The following AGBL4 variants were observed in gnomAD, a reference collection of about 807,000 sequenced individuals.
The protein encoded by AGBL4 is AGBL carboxypeptidase 4, also known as cytosolic carboxypeptidase 6.
A neutral mutation model predicts 66.4 loss-of-function variants in AGBL4; 58 were observed. That is an observed-to-expected ratio of 0.87 (90% CI 0.71 to 1.09). The LOEUF is 1.09. Ranked by LOEUF, AGBL4 falls within the 50% of genes least tolerant of loss-of-function variation. The pLI, the probability that AGBL4 is intolerant of heterozygous loss-of-function variation, is 0.00. For missense variants in AGBL4, 579 were observed against 631.0 expected, an observed-to-expected ratio of 0.92 and a Z score of 0.88; for synonymous variants, 234 against 222.9, an observed-to-expected ratio of 1.05 and a Z score of -0.44.
chr1:49,532,356 A>T (rs1308559789), intron 3 of AGBL4, among the ~76,000 whole-genome samples: 1 of 152,166 alleles, frequency 6.6e-6, no homozygotes, highest in Admixed American at 6.5e-5. Flanking sequence ...GATACAAAAG[A>T]GCTGAGATTC....
intron 5 of AGBL4, among the ~76,000 whole-genome samples, chr1:48,870,393 C>T (rs866025342): frequency 2.0e-5 from 3 of 152,108 alleles, no homozygotes; most frequent in Non-Finnish European, 4.4e-5. Context: ...TGTCATTTCA[C>T]CTCTGTGTCC....
intron 6 of AGBL4, among the ~76,000 whole-genome samples, chr1:48,755,596 G>A (rs1215835084): frequency 1.3e-5 from 2 of 152,212 alleles, no homozygotes; most frequent in Admixed American, 6.5e-5. Flanking sequence ...CTGAAGCCGA[G>A]AGTCAAACAA....
At chr1:49,802,897 A>G (rs182421304) in intron 2 of AGBL4, among the ~76,000 whole-genome samples, 2 of 152,336 alleles carry the variant, frequency 1.3e-5, no homozygotes, top group Non-Finnish European at 2.9e-5. Flanking sequence ...TAATTTATCC[A>G]ATAGTCATTG....
chr1:49,319,760 G>C (rs1050638622), intron 3 of AGBL4, among the ~76,000 whole-genome samples: 1 of 152,106 alleles, frequency 6.6e-6, no homozygotes, highest in African/African-American at 2.4e-5. Context: ...GGGCCTTCCT[G>C]CTGAGTCATC....
At chr1:49,049,631 C>G (rs1297857718) in intron 4 of AGBL4, among the ~76,000 whole-genome samples, 3 of 151,808 alleles carry the variant, frequency 2.0e-5, no homozygotes, top group Non-Finnish European at 4.4e-5. Flanking sequence ...TGGTAGGTAT[C>G]ACAAGAAGGC....
At chr1:49,893,971 G>A (rs2148173592) in intron 1 of AGBL4, among the ~76,000 whole-genome samples, 1 of 152,334 alleles carries the variant, frequency 6.6e-6, no homozygotes, top group South Asian at 2.1e-4. Flanking sequence ...AGTGGTAGTA[G>A]TCACACTGAT....
chr1:48,710,875 C>T (rs906329023), intron 6 of AGBL4, among the ~76,000 whole-genome samples: 2 of 151,624 alleles, frequency 1.3e-5, no homozygotes, highest in Admixed American at 6.6e-5. Context: ...GGCTGGAATT[C>T]GCCACCCCAC....
intron 3 of AGBL4, among the ~76,000 whole-genome samples, chr1:49,300,961 G>A (rs1475239702): frequency 6.6e-6 from 1 of 152,224 alleles, no homozygotes; most frequent in Admixed American, 6.5e-5. Flanking sequence ...CTCTCTCATA[G>A]TTTGAATGAC....
intron 3 of AGBL4, among the ~76,000 whole-genome samples, chr1:49,416,704 T>G (rs902083832): frequency 4.6e-5 from 7 of 152,122 alleles, no homozygotes; most frequent in Admixed American, 4.6e-4. Context: ...AGCTTTTACT[T>G]CATAAGTTTA....
Position 48,534,272 on chromosome 1 carries a change from G to T in AGBL4, c.1413C>A (p.Tyr471Ter). 1.3e-6 allele frequency: 2 copies of T among 1,551,232 alleles called. No homozygotes were observed. Among genetic ancestry groups the T allele is most frequent in the Non-Finnish European group, 1.7e-6 (2 of 1,146,840 alleles). ...VQRRKEKSPP[Y>*]KHPLLRGPAS... ...CTGGGCCCCGCAGGAGTGGGTGCTT[G>T]TAAGGAGGGGATTTTTCTTTCCTGC... The change falls in exon 14 of 14, where the codon TAC becomes TAA. Residue 471 changes from tyrosine (Y) to a stop codon, truncating the protein, a stop_gained. Transcript: ENST00000371839. LOFTEE classifies it high-confidence loss of function.
rs566750585 is a variant in AGBL4, at chr1:48,796,461, G to C, written c.634+70730C>G. On this transcript the variant is annotated intron_variant, in intron 6 of 13. Transcript: ENST00000371839. ...AATCTAGTGGAGCTCTTTCCTTTAA[G>C]GAGCTCCCAGTCATAAAACAGGCCA... 3.4e-5 allele frequency among the ~76,000 whole-genome samples: 5 copies of C among 145,080 alleles called. No individual in the cohort carries two copies. The East Asian group carries it at 1.1e-3, about 31-fold the overall frequency.
chr1:48,647,374 A>G (rs1044897425), intron 8 of AGBL4, among the ~76,000 whole-genome samples: 3 of 152,238 alleles, frequency 2.0e-5, no homozygotes, highest in South Asian at 2.1e-4. Flanking sequence ...CTATGGTAAT[A>G]TTGCAATTCA....
At chr1:49,372,635 CTTTCTT>C (rs1395615344) in intron 3 of AGBL4, among the ~76,000 whole-genome samples, 2 of 131,410 alleles carry the variant, frequency 1.5e-5, no homozygotes, top group African/African-American at 6.8e-5. Context: ...TTCTTTCTTT[CTTTCTT>C]TCTTTCTTTC....
rs1653461873 is a variant in AGBL4, at chr1:49,932,417, C to A, written c.35-80899G>T. On this transcript the variant is annotated intron_variant, in intron 1 of 13. Coordinates refer to ENST00000371839, the MANE Select transcript of AGBL4 (RefSeq NM_032785.4). Reference sequence around the variant, plus strand: ...AACTATAAAATTCCTAGAAGAAAAACATAATAAAAATCTTTGTAACCTTCA... The same window carrying A: ...AACTATAAAATTCCTAGAAGAAAAAAATAATAAAAATCTTTGTAACCTTCA... Among the ~76,000 whole-genome samples the A allele has an allele frequency of 2.0e-5, 3 of 151,972 alleles. No homozygotes were observed. The South Asian group carries it at 6.2e-4, about 32-fold the overall frequency.
downstream of AGBL4, among the ~76,000 whole-genome samples, chr1:48,531,625 T>C (rs897838802): frequency 6.6e-6 from 1 of 152,180 alleles, no homozygotes. Context: ...ATTTGGTTAT[T>C]ACCTCTCCAA....
intron 3 of AGBL4, among the ~76,000 whole-genome samples, chr1:49,675,828 C>A (rs1443613440): frequency 6.6e-6 from 1 of 152,070 alleles, no homozygotes; most frequent in East Asian, 1.9e-4. Flanking sequence ...AGATGAGAAT[C>A]ACTAATTTTG....
intron 11 of AGBL4, among the ~76,000 whole-genome samples, chr1:48,573,822 C>T (rs546661668): frequency 5.3e-4 from 80 of 152,220 alleles, no homozygotes; most frequent in Non-Finnish European, 1.0e-3. Flanking sequence ...ATAAGAGCAT[C>T]GTTTATTGAG....
chr1:49,220,534 T>C (rs1399065364), intron 4 of AGBL4, among the ~76,000 whole-genome samples: 1 of 152,212 alleles, frequency 6.6e-6, no homozygotes, highest in Admixed American at 6.6e-5. Context: ...TGGCATATAA[T>C]ATATGCTTAA....
intron 3 of AGBL4, among the ~76,000 whole-genome samples, chr1:49,544,264 G>A (rs1439887524): frequency 6.6e-6 from 1 of 152,176 alleles, no homozygotes; most frequent in African/African-American, 2.4e-5. Flanking sequence ...CCTGTTGTAT[G>A]GGTAACAATG....
Sources: allele counts gnomAD v4.1 joint callset (sites outside exome capture counted in the v4.1 genomes callset), GRCh38; gene constraint gnomAD v4.1.1; transcripts MANE v1.5; gene names NCBI Gene and HGNC (gene_info 2026-07-23, HGNC 2026-07-21).